Variants in ASPRV1 observed in about 807,000 individuals in gnomAD.
ASPRV1 encodes the protein aspartic peptidase retroviral like 1, also known as retroviral-like aspartic protease 1.
Under a neutral mutation model 11.0 loss-of-function variants are expected in ASPRV1, and 7 were observed. The observed-to-expected ratio is 0.64, with a 90% confidence interval of 0.36 to 1.20. The LOEUF (loss-of-function observed/expected upper bound fraction) is 1.20. Ranked by LOEUF, ASPRV1 falls within the 50% of genes most tolerant of loss-of-function variation. The pLI is 0.02. For synonymous variants in ASPRV1, 136 were observed against 138.4 expected, an observed-to-expected ratio of 0.98 and a Z score of 0.12; for missense variants, 299 against 320.0, an observed-to-expected ratio of 0.93 and a Z score of 0.50.
the ASPRV1 span, among the ~76,000 whole-genome samples, chr2:70,059,460 A>C: frequency 1.2e-4 from 18 of 151,760 alleles, no homozygotes; most frequent in Non-Finnish European, 7.4e-5. Context: ...AAGTTAATTA[A>C]TCTCTTAGAG....
the ASPRV1 span, among the ~76,000 whole-genome samples, chr2:70,023,228 G>A: frequency 6.6e-6 from 1 of 152,214 alleles, no homozygotes; most frequent in African/African-American, 2.4e-5. Context: ...GCGAGGGCCT[G>A]AGCAGGAGTT....
the ASPRV1 span, among the ~76,000 whole-genome samples, chr2:70,083,270 C>A: frequency 6.6e-6 from 1 of 152,202 alleles, no homozygotes; most frequent in African/African-American, 2.4e-5. Context: ...CAAATTCTAA[C>A]AGGCTGTGTA....
At chr2:69,991,098 C>T in the ASPRV1 span, among the ~76,000 whole-genome samples, 1 of 152,210 alleles carries the variant, frequency 6.6e-6, no homozygotes, top group African/African-American at 2.4e-5. Context: ...CTCTGGCTAA[C>T]AGCCCCTGCA....
chr2:69,960,777 G>T lies in ASPRV1; in HGVS notation c.660C>A (p.Thr220=), dbSNP rs1362629552. The change falls in exon 1 of 1, where the codon ACC becomes ACA. Residue 220 remains threonine (T), a synonymous_variant. Coordinates refer to ENST00000320256, the MANE Select transcript of ASPRV1 (RefSeq NM_152792.4). ...AILDFEHRTC[T]LKGKKFRLLP... ...GAAGGCGAAACTTCTTCCCTTTCAG[G>T]GTGCATGTGCGGTGCTCAAAGTCCA... is the stretch of plus-strand genomic sequence containing the variant. 6.2e-7 allele frequency: 1 copy of T among 1,614,058 alleles called. No individual in the cohort carries two copies. Among genetic ancestry groups the T allele is most frequent in the Non-Finnish European group, 8.5e-7 (1 of 1,179,990 alleles).
the ASPRV1 span, chr2:69,938,151 G>T: frequency 6.8e-6 from 11 of 1,614,124 alleles, no homozygotes; most frequent in South Asian, 1.2e-4. Flanking sequence ...GATCTGGACT[G>T]GAGCAGCAGC....
chr2:70,069,895 AC>A, the ASPRV1 span, among the ~76,000 whole-genome samples: 18 of 152,328 alleles, frequency 1.2e-4, no homozygotes, highest in African/African-American at 3.8e-4. Context: ...CAATAAAACA[AC>A]CTTGAACAGA....
At chr2:69,995,388 C>CAA in the ASPRV1 span, 44 of 82,644 alleles carry the variant, frequency 5.3e-4, no homozygotes, top group African/African-American at 5.6e-4. Context: ...GACTCTGCCT[C>CAA]AAAAAAAAAA....
chr2:69,973,021 A>C, the ASPRV1 span, among the ~76,000 whole-genome samples: 1 of 152,002 alleles, frequency 6.6e-6, no homozygotes, highest in Non-Finnish European at 1.5e-5. Context: ...CACTCCTCAG[A>C]CTAAGGCAAC....
At chr2:70,041,708 A>G in the ASPRV1 span, among the ~76,000 whole-genome samples, 1 of 152,236 alleles carries the variant, frequency 6.6e-6, no homozygotes, top group African/African-American at 2.4e-5. Flanking sequence ...AAATTCTGAG[A>G]GGTCCAATCT....
At chr2:70,009,315 T>C in the ASPRV1 span, among the ~76,000 whole-genome samples, 1 of 146,360 alleles carries the variant, frequency 6.8e-6, no homozygotes, top group Non-Finnish European at 1.5e-5. Context: ...TATTGTCTTA[T>C]TTATTTATTT....
At chr2:70,034,399 G>A in the ASPRV1 span, among the ~76,000 whole-genome samples, 1 of 151,040 alleles carries the variant, frequency 6.6e-6, no homozygotes, top group South Asian at 2.1e-4. Flanking sequence ...TGAAACCCCC[G>A]TCTCTACTAA....
the ASPRV1 span, chr2:69,937,122 A>G: frequency 7.2e-7 from 1 of 1,384,080 alleles, no homozygotes; most frequent in Admixed American, 1.7e-5. Flanking sequence ...AGTGGCACCG[A>G]AAGGCGTCTG....
At chr2:70,036,248 G>A in the ASPRV1 span, among the ~76,000 whole-genome samples, 15 of 152,052 alleles carry the variant, frequency 9.9e-5, 1 homozygote, top group East Asian at 2.0e-3. Flanking sequence ...ATTTTACCTT[G>A]GTGGGCTTGG....
At chr2:70,012,431 G>T in the ASPRV1 span, among the ~76,000 whole-genome samples, 1 of 152,162 alleles carries the variant, frequency 6.6e-6, no homozygotes, top group Non-Finnish European at 1.5e-5. Flanking sequence ...TGGGATTACA[G>T]GCGTGAGCCA....
the ASPRV1 span, among the ~76,000 whole-genome samples, chr2:69,946,516 T>G: frequency 6.6e-6 from 1 of 152,228 alleles, no homozygotes; most frequent in Non-Finnish European, 1.5e-5. Flanking sequence ...CTTTTCCCCA[T>G]GCCTGACATG....
the ASPRV1 span, among the ~76,000 whole-genome samples, chr2:70,071,201 GA>G: frequency 3.9e-5 from 6 of 152,176 alleles, no homozygotes; most frequent in Middle Eastern, 6.3e-3. Context: ...ATTCTTCAAG[GA>G]GGAAAGGAAA....
the ASPRV1 span, among the ~76,000 whole-genome samples, chr2:69,983,406 T>C: frequency 6.6e-6 from 1 of 152,154 alleles, no homozygotes; most frequent in South Asian, 2.1e-4. Flanking sequence ...CTGAGTTCTG[T>C]TCCCTAGGGC....
chr2:70,045,814 T>G, the ASPRV1 span: 1 of 152,086 alleles, frequency 6.6e-6, no homozygotes, highest in Non-Finnish European at 1.5e-5. Flanking sequence ...TTCCAGCTAC[T>G]TGGGAGGCTG....
At position 69,960,910 on chromosome 2, in the gene ASPRV1, G is replaced by A. The variant is rs147056246; in HGVS notation, c.527C>T (p.Ala176Val). 27 of 1,613,906 alleles carry A rather than the reference G, an allele frequency of 1.7e-5. No homozygotes were observed. In the African/African-American group the frequency reaches 1.7e-4, roughly 10 times the overall value. ...EMKILGVWDT[A>V]VSLGKLKLKA... ...CAGCTTCAGCTTGCCTAGGGACACC[G>A]CTGTATCCCAGACACCCAGGATCTT... The change falls in exon 1 of 1, where the codon GCG (alanine) becomes GTG (valine). Residue 176 changes from alanine to valine, a missense_variant. Transcript: ENST00000320256.
Sources: gnomAD v4.1 joint callset for allele counts (sites outside exome capture counted in the v4.1 genomes callset) on GRCh38, gnomAD v4.1.1 for gene constraint, MANE v1.5 for transcripts, NCBI Gene and HGNC (gene_info 2026-07-23, HGNC 2026-07-21) for gene names.